IQCH: variants seen among roughly 807,000 people sequenced by gnomAD.
IQCH encodes IQ domain-containing protein H.
IQCH carries 98 observed loss-of-function variants against 117.0 expected under a neutral mutation model. The observed-to-expected ratio is 0.84, with a 90% CI of 0.71 to 0.99. The LOEUF is 0.99. IQCH is among the 50% of genes least tolerant of loss of function. IQCH has a pLI of 0.00. For missense variants in IQCH, 1,102 were observed against 1,243.8 expected (o/e 0.89, Z 1.72); for synonymous variants, 412 against 448.2 (o/e 0.92, Z 1.02).
rs2082967321 is a variant in IQCH, at chr15:67,467,639, A to G, written c.2676+2342A>G. ...CACCCTCCTGTGCATGTGTACACAT[A>G]TGATCAGCGATTTTTTTAAAAAGAA... On this transcript the variant is annotated intron_variant, in intron 17 of 20. Coordinates refer to ENST00000335894, the MANE Select transcript of IQCH (RefSeq NM_001031715.3). The surrounding 1 kb of genome is among the most constrained non-coding windows in gnomAD (Gnocchi z 5.7). 6.6e-6 allele frequency among the ~76,000 whole-genome samples: 1 copy of G among 152,304 alleles called. No individual in the cohort carries two copies. Among genetic ancestry groups the G allele is most frequent in the Non-Finnish European group, 1.5e-5 (1 of 68,026 alleles).
chr15:67,351,584 CTG>C (rs1280663567), intron 6 of IQCH, among the ~76,000 whole-genome samples: 5 of 152,198 alleles, frequency 3.3e-5, no homozygotes, highest in Non-Finnish European at 5.9e-5. Context: ...TAATGCCAAA[CTG>C]TCTTTTAAAG....
In IQCH at chr15:67,376,286, T is replaced by G. The variant is rs1317103873; in HGVS notation, c.1372+2853T>G. Among the ~76,000 whole-genome samples, 1 of 152,236 alleles carries G rather than the reference T, an allele frequency of 6.6e-6. No individual in the cohort carries two copies. The highest frequency in any genetic ancestry group is 1.9e-4 in the East Asian group (1 of 5,200). ...AGATGCCACAAACTTCTTTGTCTCA[T>G]GCACCAGGGACTTACCTATACAATT... On this transcript the variant is annotated intron_variant, in intron 10 of 20. Transcript: ENST00000335894. The surrounding 1 kb of genome is among the most constrained non-coding windows in gnomAD (Gnocchi z 5.0).
intron 4 of IQCH, among the ~76,000 whole-genome samples, chr15:67,286,571 TC>T (rs1306927876): frequency 6.7e-6 from 1 of 148,918 alleles, no homozygotes; most frequent in Non-Finnish European, 1.5e-5. Flanking sequence ...TGTGGGTCTG[TC>T]ATATATGGCT....
At chr15:67,265,927 A>G (rs911916781) in intron 3 of IQCH, among the ~76,000 whole-genome samples, 1 of 152,190 alleles carries the variant, frequency 6.6e-6, no homozygotes, top group South Asian at 2.1e-4. Context: ...AGTCCTTAGA[A>G]TATCCAAGTA....
At chr15:67,487,457 C>CACAA (rs947916233) in intron 18 of IQCH, among the ~76,000 whole-genome samples, 8 of 150,506 alleles carry the variant, frequency 5.3e-5, no homozygotes, top group South Asian at 2.1e-4. Flanking sequence ...CACACACACA[C>CACAA]AACCCTCATT....
intron 15 of IQCH, among the ~76,000 whole-genome samples, chr15:67,418,577 CTTTT>C (rs1174414517): frequency 1.9e-5 from 2 of 103,398 alleles, no homozygotes; most frequent in Non-Finnish European, 1.9e-5. Flanking sequence ...GGTGTTTTTA[CTTTT>C]TTTTTTTTTT....
chr15:67,300,808 T>C (rs1966988523), intron 4 of IQCH, among the ~76,000 whole-genome samples: 1 of 152,202 alleles, frequency 6.6e-6, no homozygotes, highest in Non-Finnish European at 1.5e-5. Flanking sequence ...AAAAGAAACC[T>C]TAGCCTCCTA....
chr15:67,489,715 T>C (rs1288782386), intron 18 of IQCH, among the ~76,000 whole-genome samples: 2 of 151,854 alleles, frequency 1.3e-5, no homozygotes, highest in Non-Finnish European at 2.9e-5. Context: ...ACAGAGTGCC[T>C]GCCAAGTCTT....
At chr15:67,480,151 C>T (rs1363329988) in intron 18 of IQCH, among the ~76,000 whole-genome samples, 2 of 152,210 alleles carry the variant, frequency 1.3e-5, no homozygotes, top group Non-Finnish European at 2.9e-5. Context: ...CAGTCACCAG[C>T]AATCATTTCC....
chr15:67,265,374 A>G (rs1156253802), intron 3 of IQCH, among the ~76,000 whole-genome samples: 1 of 152,218 alleles, frequency 6.6e-6, no homozygotes. Context: ...TACTTGGATC[A>G]TATCTTTCCT....
Position 67,387,711 on chromosome 15 carries a change from C to G in IQCH, c.1457-1120C>G, listed in dbSNP as rs775832391. Among the ~76,000 whole-genome samples, 4 of 152,222 alleles carry G rather than the reference C, an allele frequency of 2.6e-5. No individual in the cohort carries two copies. Among genetic ancestry groups the G allele is most frequent in the Admixed American group, 6.5e-5 (1 of 15,282 alleles). On this transcript the variant is annotated intron_variant, in intron 11 of 20. Transcript: ENST00000335894. The surrounding 1 kb of genome is among the most constrained non-coding windows in gnomAD (Gnocchi z 4.8). ...TGCCAGATGCTGCACCAGATACTTT[C>G]TATATCTTCACTCATTTAATAGTGT...
In IQCH at chr15:67,373,517, C is replaced by T. The variant is rs532323933; in HGVS notation, c.1372+84C>T. On this transcript the variant is annotated intron_variant, in intron 10 of 20. Coordinates refer to ENST00000335894, the MANE Select transcript of IQCH (RefSeq NM_001031715.3). ...TCCTTGATTGAGTTCAAGGAAGGCCCCTTGTTTTATTCAAATTGGTCTCGG... is the reference window on the plus strand; with the variant it reads ...TCCTTGATTGAGTTCAAGGAAGGCCTCTTGTTTTATTCAAATTGGTCTCGG... The T allele has an allele frequency of 8.6e-6, 8 of 926,952 alleles. No homozygotes were observed. In the Admixed American group the frequency reaches 1.0e-4, roughly 12 times the overall value. The allele number at this position is 926,952 out of a possible 1,614,324, so 57.4% of individuals were successfully genotyped here.
At position 67,395,809 on chromosome 15, in the gene IQCH, C is replaced by T. The variant is rs1253709419; in HGVS notation, c.1905+246C>T. On this transcript the variant is annotated intron_variant, in intron 13 of 20. Coordinates refer to ENST00000335894, the MANE Select transcript of IQCH (RefSeq NM_001031715.3). This position sits in a 1 kb window ranked among gnomAD's most constrained non-coding sequence, Gnocchi z 4.0. ...TGATCTTGGCTCACTGCAACCTCCA[C>T]CTCCCAGTTTCTGTGACTTCCAGCT... Among the ~76,000 whole-genome samples the T allele has an allele frequency of 2.0e-5, 3 of 151,840 alleles. No homozygotes were observed.
At chr15:67,329,136 A>C (rs1247602314) in intron 4 of IQCH, among the ~76,000 whole-genome samples, 1 of 152,028 alleles carries the variant, frequency 6.6e-6, no homozygotes, top group Non-Finnish European at 1.5e-5. Flanking sequence ...TAATCTCTAC[A>C]CAAAATACAA....
At chr15:67,478,518 G>T (rs865773840) in intron 18 of IQCH, among the ~76,000 whole-genome samples, 1 of 152,012 alleles carries the variant, frequency 6.6e-6, no homozygotes, top group Non-Finnish European at 1.5e-5. Flanking sequence ...AATATAGATT[G>T]GGGCAACAGA....
Position 67,496,091 on chromosome 15 carries a change from C to T in IQCH, c.2970+1725C>T, listed in dbSNP as rs181123395. Among the ~76,000 whole-genome samples the T allele has an allele frequency of 9.9e-5, 15 of 152,146 alleles. No homozygotes were observed. In the East Asian group the frequency reaches 2.9e-3, roughly 29 times the overall value. On this transcript the variant is annotated intron_variant, in intron 20 of 20. Transcript: ENST00000335894. This position sits in a 1 kb window ranked among gnomAD's most constrained non-coding sequence, Gnocchi z 4.4. ...CAGCACTTTGAAAAGCTGAGGTGGG[C>T]AGATTGCTTGATCCCAGGAGTTCAA... is the stretch of plus-strand genomic sequence containing the variant.
chr15:67,337,133 G>T (rs759019296), intron 5 of IQCH, 38 bp downstream of exon 5: 3 of 1,608,372 alleles, frequency 1.9e-6, no homozygotes, highest in Non-Finnish European at 2.5e-6. Context: ...GTTTAGGAAC[G>T]GAAAAGAAAG....
chr15:67,415,012 T>C (rs1325153923), intron 14 of IQCH, among the ~76,000 whole-genome samples: 1 of 152,204 alleles, frequency 6.6e-6, no homozygotes, highest in African/African-American at 2.4e-5. Flanking sequence ...TTTGGGGCAC[T>C]TCATAAATCA....
rs868076242 is a variant in IQCH, at chr15:67,445,149, G to A, written c.2506-19978G>A. ...TTCAGTAAAACAAAAACTTAAACAC[G>A]TCGTTGAACATCTGTTACTAGTACA... On this transcript the variant is annotated intron_variant, in intron 16 of 20. Transcript: ENST00000335894. The surrounding 1 kb of genome is among the most constrained non-coding windows in gnomAD (Gnocchi z 4.3). Among the ~76,000 whole-genome samples the A allele has an allele frequency of 6.6e-6, 1 of 152,002 alleles. No individual in the cohort carries two copies. Among genetic ancestry groups the A allele is most frequent in the Non-Finnish European group, 1.5e-5 (1 of 68,022 alleles).
Sources: gnomAD v4.1 joint callset for allele counts (sites outside exome capture counted in the v4.1 genomes callset) on GRCh38, gnomAD v4.1.1 for gene constraint, Gnocchi (gnomAD v3.1) non-coding constraint, MANE v1.5 for transcripts, NCBI Gene and HGNC (gene_info 2026-07-23, HGNC 2026-07-21) for gene names.